Variants in C1orf185 observed in about 807,000 individuals in gnomAD.
The protein encoded by C1orf185 is chromosome 1 open reading frame 185.
Under a neutral mutation model 16.1 loss-of-function variants are expected in C1orf185, and 13 were observed. That is an observed-to-expected ratio of 0.81 (90% CI 0.53 to 1.28). The LOEUF (loss-of-function observed/expected upper bound fraction) is 1.28. Among genes scored for constraint, C1orf185 ranks in the 50% most tolerant of loss-of-function variants. The pLI is 0.00. For missense variants in C1orf185, 220 were observed against 225.2 expected (o/e 0.98, Z 0.15); for synonymous variants, 80 against 76.9 (o/e 1.04, Z -0.21).
At chr1:51,142,700 T>C (rs996068258) in intron 3 of C1orf185, among the ~76,000 whole-genome samples, 4 of 152,222 alleles carry the variant, frequency 2.6e-5, no homozygotes, top group Non-Finnish European at 2.9e-5. Context: ...TGATATTCCT[T>C]TATTATTTAT....
intron 1 of C1orf185, among the ~76,000 whole-genome samples, chr1:51,109,809 T>A (rs1034615363): frequency 6.6e-6 from 1 of 152,354 alleles, no homozygotes; most frequent in Non-Finnish European, 1.5e-5. Context: ...TAGTATATTT[T>A]GAAGTCAGAT....
At chr1:51,145,802 C>T (rs1646395186) in intron 4 of C1orf185, 42 bp downstream of exon 4, 1 of 1,066,638 alleles carries the variant, frequency 9.4e-7, no homozygotes, top group African/African-American at 1.6e-5. Context: ...TCTTAATGAA[C>T]TTTAGCAATT....
chr1:51,143,168 G>A (rs756235753), intron 3 of C1orf185, among the ~76,000 whole-genome samples: 2 of 152,000 alleles, frequency 1.3e-5, no homozygotes, highest in African/African-American at 2.4e-5. Context: ...TTACCCTTGC[G>A]ATTAATAAAC....
chr1:51,103,236 T>C (rs1182921064), intron 1 of C1orf185, among the ~76,000 whole-genome samples: 1 of 151,788 alleles, frequency 6.6e-6, no homozygotes, highest in Non-Finnish European at 1.5e-5. Context: ...AGAGATTCCA[T>C]CTCTACAAAA....
chr1:51,118,320 C>T (rs1353562788), intron 2 of C1orf185, among the ~76,000 whole-genome samples: 1 of 152,112 alleles, frequency 6.6e-6, no homozygotes. Flanking sequence ...TATGAAAAGG[C>T]TAATTAACAT....
chr1:51,136,702 T>A (rs139297840), intron 3 of C1orf185, among the ~76,000 whole-genome samples: 1 of 152,170 alleles, frequency 6.6e-6, no homozygotes, highest in Non-Finnish European at 1.5e-5. Flanking sequence ...GCTAACCATA[T>A]GCAGAAGACT....
intron 1 of C1orf185, among the ~76,000 whole-genome samples, chr1:51,105,360 AC>A: frequency 6.6e-6 from 1 of 152,162 alleles, no homozygotes; most frequent in African/African-American, 2.4e-5. Context: ...AAAAAAAAAA[AC>A]TTTCTCCTAT....
chr1:51,118,605 AT>A lies in C1orf185; in HGVS notation c.123-57del, dbSNP rs1395035086. ...TTATGTATAAATATTGGAAATAATG[AT>A]TTTAATTGTTTTATAATCTAACTCA... On this transcript the variant is annotated intron_variant, in intron 2 of 4. Coordinates refer to ENST00000371759, the MANE Select transcript of C1orf185 (RefSeq NM_001136508.2). 4.0e-6 allele frequency: 4 copies of A among 998,688 alleles called. No individual in the cohort carries two copies. In the African/African-American group the frequency reaches 6.7e-5, roughly 17 times the overall value. 61.9% of individuals were successfully genotyped at this position (998,688 alleles called of 1,614,324 possible). A position where few individuals can be genotyped will look rare whatever the true frequency, so the allele number is the denominator to read the frequency against.
At chr1:51,152,093 T>A (rs185356874), downstream of C1orf185, among the ~76,000 whole-genome samples, 3 of 152,292 alleles carry the variant, frequency 2.0e-5, no homozygotes, top group East Asian at 3.9e-4. Flanking sequence ...TAGCTGGGAC[T>A]ACAGGAGCAC....
At chr1:51,105,365 C>A (rs1372616579) in intron 1 of C1orf185, among the ~76,000 whole-genome samples, 1 of 151,950 alleles carries the variant, frequency 6.6e-6, no homozygotes, top group African/African-American at 2.4e-5. Flanking sequence ...AAAAAACTTT[C>A]TCCTATCTTT....
At chr1:51,124,269 A>G (rs915342194) in intron 3 of C1orf185, among the ~76,000 whole-genome samples, 1 of 151,964 alleles carries the variant, frequency 6.6e-6, no homozygotes, top group Admixed American at 6.6e-5. Context: ...TTTAGTGGAG[A>G]CAGGGTTTCG....
At chr1:51,128,425 C>T (rs1646258338) in intron 3 of C1orf185, among the ~76,000 whole-genome samples, 1 of 127,732 alleles carries the variant, frequency 7.8e-6, no homozygotes, top group South Asian at 2.2e-4. Flanking sequence ...GGCACAGTGG[C>T]TCACTCCTGT....
chr1:51,105,427 C>A (rs1391276461), intron 1 of C1orf185, among the ~76,000 whole-genome samples: 1 of 151,996 alleles, frequency 6.6e-6, no homozygotes, highest in Non-Finnish European at 1.5e-5. Context: ...TTATAACACC[C>A]ATAATACTTT....
intron 3 of C1orf185, among the ~76,000 whole-genome samples, chr1:51,136,898 A>T (rs927099369): frequency 6.6e-6 from 1 of 152,228 alleles, no homozygotes; most frequent in African/African-American, 2.4e-5. Context: ...AAAAGCAAAA[A>T]TTGACAAATG....
At chr1:51,145,660 A>G (rs41286444) in intron 3 of C1orf185, 64 bp from the exon 4 acceptor site, 83 of 913,876 alleles carry the variant, frequency 9.1e-5, no homozygotes, top group Non-Finnish European at 1.3e-4. Flanking sequence ...CATATAAAAT[A>G]TATGAAAGAA....
chr1:51,131,170 TG>T (rs753756139), intron 3 of C1orf185, among the ~76,000 whole-genome samples: 1 of 152,364 alleles, frequency 6.6e-6, no homozygotes, highest in South Asian at 2.1e-4. Flanking sequence ...CCCAAAGTGC[TG>T]GGATTACAGG....
chr1:51,139,481 G>A (rs1646349585), intron 3 of C1orf185, among the ~76,000 whole-genome samples: 1 of 152,210 alleles, frequency 6.6e-6, no homozygotes, highest in South Asian at 2.1e-4. Context: ...AATGATTGGG[G>A]AGGGTTTCTT....
At chr1:51,146,735 G>C (rs966945244) in intron 4 of C1orf185, among the ~76,000 whole-genome samples, 6 of 152,002 alleles carry the variant, frequency 3.9e-5, no homozygotes, top group Non-Finnish European at 8.8e-5. Context: ...TTTTCGTGAA[G>C]TGGTGCTAAT....
intron 3 of C1orf185, among the ~76,000 whole-genome samples, chr1:51,124,081 G>GTT (rs893846873): frequency 1.7e-3 from 189 of 113,562 alleles, no homozygotes; most frequent in African/African-American, 2.4e-3. Flanking sequence ...ACTGTAGTTT[G>GTT]TTTTTTTTTT....
Sources: allele counts gnomAD v4.1 joint callset (sites outside exome capture counted in the v4.1 genomes callset), GRCh38; gene constraint gnomAD v4.1.1; transcripts MANE v1.5; gene names NCBI Gene and HGNC (gene_info 2026-07-23, HGNC 2026-07-21).